EP400: variants seen among roughly 807,000 people sequenced by gnomAD.
EP400 encodes E1A binding protein p400.
A neutral mutation model predicts 354.1 loss-of-function variants in EP400; 105 were observed. That is an observed-to-expected ratio of 0.30 (90% CI 0.25 to 0.35). The LOEUF (loss-of-function observed/expected upper bound fraction) is 0.35. EP400 is among the 10% of genes least tolerant of loss of function. The pLI is 1.00. For synonymous variants in EP400, 1,646 were observed against 1,716.9 expected (o/e 0.96, Z 1.02); for missense variants, 3,280 against 4,121.0 (o/e 0.80, Z 5.59).
At chr12:132,039,011 G>T (rs1249862510) in intron 32 of EP400, among the ~76,000 whole-genome samples, 5 of 152,076 alleles carry the variant, frequency 3.3e-5, no homozygotes, top group Non-Finnish European at 5.9e-5. Flanking sequence ...TTCTGTGAAA[G>T]TGTTAAAGAC....
chr12:132,020,995 T>C, intron 22 of EP400, 84 bp from the exon 23 acceptor site: 2 of 1,441,946 alleles, frequency 1.4e-6, no homozygotes, highest in East Asian at 2.6e-5. Context: ...ATGTTTATTT[T>C]ATTTCTTTAA....
At chr12:131,988,337 G>T (rs983657807) in intron 7 of EP400, among the ~76,000 whole-genome samples, 1 of 152,346 alleles carries the variant, frequency 6.6e-6, no homozygotes, top group South Asian at 2.1e-4. Context: ...AAGCAATGAT[G>T]TGGATTTAGC....
In EP400 at chr12:132,025,663, G is replaced by T; in HGVS notation, c.4873G>T (p.Val1625Leu). The T allele has an allele frequency of 3.7e-6, 6 of 1,607,020 alleles. No homozygotes were observed. Among genetic ancestry groups the T allele is most frequent in the African/African-American group, 1.3e-5 (1 of 74,670 alleles). ...GATTGCAGGCAGCGTCCTCCAGATC[G>T]TGTCCGCCCCCGGGCAGCCCTACCT... ...LQLQGSVLQI[V>L]SAPGQPYLRA... The change falls in exon 25 of 53, where the codon GTG becomes TTG. Residue 1625 changes from valine (V) to leucine (L), a missense_variant. Physicochemically the swap from Val to Leu is conservative, Grantham distance 32 (BLOSUM62 1). This residue lies in a region of EP400 where 459 missense variants were observed against 496.9 expected (regional missense o/e 0.92). Coordinates refer to ENST00000389561, the MANE Select transcript of EP400 (RefSeq NM_015409.5). This position sits in a 1 kb window ranked among gnomAD's most constrained non-coding sequence, Gnocchi z 4.1.
At chr12:131,981,152 G>A (rs1892667315) in intron 3 of EP400, among the ~76,000 whole-genome samples, 2 of 152,112 alleles carry the variant, frequency 1.3e-5, no homozygotes, top group Admixed American at 6.6e-5. Flanking sequence ...TCCACTGCCC[G>A]CTCTCCATGC....
chr12:132,006,677 C>T (rs756786250), intron 14 of EP400, 23 bp from the exon 15 acceptor site: 35 of 1,551,936 alleles, frequency 2.3e-5, no homozygotes, highest in Middle Eastern at 1.7e-4. Flanking sequence ...AGCTGTCATT[C>T]TTTTATTTGT....
In EP400 at chr12:132,013,609, C is replaced by T; in HGVS notation, c.3731C>T (p.Ala1244Val). Reference sequence around the variant, plus strand: ...CCCTACCTGAGCTCCCCTCTGAGGGCCCCCAGTGAAGAGAGCCAGGATTAC... The same window carrying T: ...CCCTACCTGAGCTCCCCTCTGAGGGTCCCCAGTGAAGAGAGCCAGGATTAC... ...SRPYLSSPLRAPSEESQDYYH... is the reference protein window; with the variant it reads ...SRPYLSSPLRVPSEESQDYYH... The change falls in exon 18 of 53, where the codon GCC becomes GTC. Residue 1244 changes from alanine (A) to valine (V), a missense_variant. By Grantham distance (64) the Ala-to-Val change is moderately conservative. Transcript: ENST00000389561. The surrounding 1 kb of genome is among the most constrained non-coding windows in gnomAD (Gnocchi z 4.5). 6.2e-7 allele frequency: 1 copy of T among 1,613,806 alleles called. No individual in the cohort carries two copies. Among genetic ancestry groups the T allele is most frequent in the East Asian group, 2.2e-5 (1 of 44,882 alleles).
rs1285114543 is a variant in EP400 at position 132,018,105 on chromosome 12, C to T, written c.4111-105C>T. 4 of 1,424,686 alleles carry T rather than the reference C, an allele frequency of 2.8e-6. No individual in the cohort carries two copies. Among genetic ancestry groups the T allele is most frequent in the South Asian group, 1.2e-5 (1 of 80,086 alleles). 88.3% of individuals were successfully genotyped at this position (1,424,686 alleles called of 1,614,324 possible). On this transcript the variant is annotated intron_variant, in intron 20 of 52. Transcript: ENST00000389561. This position sits in a 1 kb window ranked among gnomAD's most constrained non-coding sequence, Gnocchi z 4.0. ...TGCCGAGTGGCCGTTAGAGGGGGCG[C>T]GTCTGGATGCCCACGTTAGGGCCCT...
At chr12:132,006,652 G>T in intron 14 of EP400, 48 bp from the exon 15 acceptor site, 1 of 1,526,388 alleles carries the variant, frequency 6.6e-7, no homozygotes, top group Non-Finnish European at 8.8e-7. Context: ...AAAAGTTTGG[G>T]TGATTATTTT....
At position 131,956,226 on chromosome 12, in the gene EP400, G is replaced by A. The variant is rs968876413; in HGVS notation, c.-35-4359G>A. On this transcript the variant is annotated intron_variant, in intron 1 of 52. Coordinates refer to ENST00000389561, the MANE Select transcript of EP400 (RefSeq NM_015409.5). ...GTGTGTCAGTGGTTTGTTCCTTGGC[G>A]TTGCTGGGTTGTGTCTGTTGTATGG... Among the ~76,000 whole-genome samples the A allele has an allele frequency of 2.6e-5, 4 of 152,150 alleles. No homozygotes were observed. In the East Asian group the frequency reaches 5.8e-4, roughly 22 times the overall value.
Position 132,080,324 on chromosome 12 carries a change from T to C in EP400, c.*2651T>C, listed in dbSNP as rs1215382115. On this transcript the variant is annotated 3_prime_UTR_variant, in exon 53 of 53. Transcript: ENST00000389561. ...AACTGTTGTAACCAGTTAGCTGTTGTGTTTTAAGATAGAAAGGAACAAGAC... is the reference window on the plus strand; with the variant it reads ...AACTGTTGTAACCAGTTAGCTGTTGCGTTTTAAGATAGAAAGGAACAAGAC... 2 of 152,668 alleles carry C rather than the reference T, an allele frequency of 1.3e-5. No homozygotes were observed. Among genetic ancestry groups the C allele is most frequent in the Non-Finnish European group, 2.9e-5 (2 of 68,040 alleles). The allele number at this position is 152,668 out of a possible 1,614,324, so 9.5% of individuals were successfully genotyped here. A position where few individuals can be genotyped will look rare whatever the true frequency, so the allele number is the denominator to read the frequency against.
intron 32 of EP400, among the ~76,000 whole-genome samples, chr12:132,041,420 C>G (rs1894903326): frequency 6.6e-6 from 1 of 152,250 alleles, no homozygotes; most frequent in Non-Finnish European, 1.5e-5. Context: ...GCGGTGCTGC[C>G]TCTTGCGAAT....
intron 19 of EP400, among the ~76,000 whole-genome samples, chr12:132,015,276 G>A (rs1311792021): frequency 6.6e-6 from 1 of 152,248 alleles, no homozygotes; most frequent in African/African-American, 2.4e-5. Context: ...CACACCATTA[G>A]TGGCGAGACT....
chr12:132,011,423 C>T, intron 15 of EP400, 75 bp from the exon 16 acceptor site: 1 of 1,559,934 alleles, frequency 6.4e-7, no homozygotes, highest in Non-Finnish European at 8.7e-7. Context: ...TGAAGCGTCT[C>T]TGGTCAGACA....
rs1005669596 is a variant in EP400 at position 132,021,163 on chromosome 12, G to T, written c.4532G>T (p.Ser1511Ile). ...GCCTCGGCCTCCAGCACAGCCGCTA[G>T]CCCGGCCCATCCTGCGAAACTGCGG... ...QPASASSTAA[S>I]PAHPAKLRAQ... The change falls in exon 23 of 53, where the codon AGC becomes ATC. Residue 1511 changes from serine (S) to isoleucine (I), a missense_variant. Around this residue, in one of 20 missense-constraint regions of EP400, gnomAD observed 342 missense variants for 342.7 expected, o/e 1.00. Coordinates refer to ENST00000389561, the MANE Select transcript of EP400 (RefSeq NM_015409.5). 2 of 1,601,044 alleles carry T rather than the reference G, an allele frequency of 1.2e-6. No individual in the cohort carries two copies. Among genetic ancestry groups the T allele is most frequent in the Non-Finnish European group, 8.5e-7 (1 of 1,179,764 alleles).
At chr12:132,035,032 C>A (rs1023193409) in intron 30 of EP400, among the ~76,000 whole-genome samples, 2 of 152,078 alleles carry the variant, frequency 1.3e-5, no homozygotes, top group Non-Finnish European at 2.9e-5. Flanking sequence ...GAGTTAAATA[C>A]CTCTTAAAAA....
chr12:132,053,974 C>T (rs1895397307), intron 43 of EP400, among the ~76,000 whole-genome samples: 3 of 152,198 alleles, frequency 2.0e-5, no homozygotes, highest in South Asian at 2.1e-4. Context: ...CTGCCTGTGT[C>T]GGTGTCTCAA....
intron 39 of EP400, 73 bp downstream of exon 39, chr12:132,045,973 C>A: frequency 6.5e-7 from 1 of 1,545,300 alleles, no homozygotes; most frequent in Non-Finnish European, 8.8e-7. Context: ...AGTTTCAGCT[C>A]CAGTCCTGCT....
At chr12:132,042,363 G>A (rs1271587961) in intron 32 of EP400, among the ~76,000 whole-genome samples, 1 of 152,120 alleles carries the variant, frequency 6.6e-6, no homozygotes, top group Non-Finnish European at 1.5e-5. Context: ...CTTTTTAAAC[G>A]CTGTGTATTG....
intron 2 of EP400, among the ~76,000 whole-genome samples, chr12:131,964,051 G>C (rs1305283920): frequency 6.6e-6 from 1 of 152,178 alleles, no homozygotes; most frequent in Non-Finnish European, 1.5e-5. Flanking sequence ...ATAGCTAGAG[G>C]AAATGCTGAA....
Sources: allele counts gnomAD v4.1 joint callset (sites outside exome capture counted in the v4.1 genomes callset), GRCh38; gene constraint gnomAD v4.1.1; regional missense constraint gnomAD v4.1.1; non-coding constraint Gnocchi (gnomAD v3.1); transcripts MANE v1.5; gene names NCBI Gene and HGNC (gene_info 2026-07-23, HGNC 2026-07-21).